Variants in GABRB1 observed in about 807,000 individuals in gnomAD.
The protein encoded by GABRB1 is gamma-aminobutyric acid receptor subunit beta-1.
In GABRB1, 17 loss-of-function variants were observed where a neutral mutation model predicts 51.6. The observed-to-expected ratio is 0.33, with a 90% CI of 0.23 to 0.49. The LOEUF (loss-of-function observed/expected upper bound fraction) is 0.49, where lower values mean the gene tolerates loss of function less well. Ranked by LOEUF, GABRB1 falls within the 20% of genes least tolerant of loss-of-function variation. The pLI is 0.99. For missense variants in GABRB1, 410 were observed against 600.6 expected, an observed-to-expected ratio of 0.68 and a Z score of 3.32; for synonymous variants, 247 against 218.9, an observed-to-expected ratio of 1.13 and a Z score of -1.14.
At position 47,417,876 on chromosome 4, in the gene GABRB1, C is replaced by T. The variant is rs543407977; in HGVS notation, c.1081-7798C>T. ...AAGATTATATTTTATTCCAATTACA[C>T]TAAAATGAGTTCAGCTATACTTATA... On this transcript the variant is annotated intron_variant, in intron 8 of 8. Transcript: ENST00000295454. 1.2e-4 allele frequency among the ~76,000 whole-genome samples: 18 copies of T among 152,302 alleles called. No individual in the cohort carries two copies. The South Asian group carries it at 3.3e-3, about 28-fold the overall frequency.
At chr4:47,199,984 C>A (rs541324317) in intron 4 of GABRB1, among the ~76,000 whole-genome samples, 1 of 152,138 alleles carries the variant, frequency 6.6e-6, no homozygotes, top group Non-Finnish European at 1.5e-5. Flanking sequence ...ATGGGATAGG[C>A]AGATATATTG....
intron 3 of GABRB1, among the ~76,000 whole-genome samples, chr4:47,045,457 CAT>C: frequency 6.7e-6 from 1 of 149,546 alleles, no homozygotes; most frequent in East Asian, 1.9e-4. Flanking sequence ...TCATCATCAT[CAT>C]CATCATCATC....
At chr4:47,065,681 A>G (rs1279382008) in intron 3 of GABRB1, among the ~76,000 whole-genome samples, 1 of 152,190 alleles carries the variant, frequency 6.6e-6, no homozygotes, top group East Asian at 1.9e-4. Context: ...TTAGCCAAAC[A>G]CTGTAAATAA....
intron 3 of GABRB1, among the ~76,000 whole-genome samples, chr4:47,072,657 A>T (rs1452334279): frequency 6.6e-6 from 1 of 152,192 alleles, no homozygotes. Flanking sequence ...TGTGAATTTT[A>T]ATCTACATAT....
intron 5 of GABRB1, among the ~76,000 whole-genome samples, chr4:47,377,506 G>C (rs1482767188): frequency 8.6e-5 from 13 of 151,928 alleles, no homozygotes; most frequent in Admixed American, 8.5e-4. Context: ...ATCCAATGTG[G>C]ACCCAAAGAA....
chr4:46,997,147 C>G (rs988855797), intron 1 of GABRB1, among the ~76,000 whole-genome samples: 31 of 152,046 alleles, frequency 2.0e-4, no homozygotes, highest in Non-Finnish European at 4.1e-4. Flanking sequence ...TGTATACCAG[C>G]CTACTATCAT....
chr4:47,333,560 C>T (rs889322719), intron 5 of GABRB1, among the ~76,000 whole-genome samples: 1 of 151,882 alleles, frequency 6.6e-6, no homozygotes, highest in Non-Finnish European at 1.5e-5. Flanking sequence ...ACTAAAAATA[C>T]AAAAATTAGC....
At chr4:47,312,487 TTGTGTAATGTAAC>T (rs1724728751) in intron 4 of GABRB1, among the ~76,000 whole-genome samples, 1 of 152,212 alleles carries the variant, frequency 6.6e-6, no homozygotes, top group South Asian at 2.1e-4. Flanking sequence ...ATCAGTTTCT[TTGTGTAATGTAAC>T]TAACATGAAT....
Position 47,078,101 on chromosome 4 carries a change from T to C in GABRB1, c.240+45617T>C, listed in dbSNP as rs909396194. On this transcript the variant is annotated intron_variant, in intron 3 of 8. Coordinates refer to ENST00000295454, the MANE Select transcript of GABRB1 (RefSeq NM_000812.4). ...ACCTTCCGGGTTCAAGCAATTCTCC[T>C]GCCTCAGCCTCCTGAGAAGTTGGGA... Among the ~76,000 whole-genome samples, 19 of 149,952 alleles carry C rather than the reference T, an allele frequency of 1.3e-4. 1 individual carries two copies. The East Asian group carries it at 3.5e-3, about 28-fold the overall frequency.
chr4:47,424,911 C>A (rs1011395498), intron 8 of GABRB1, among the ~76,000 whole-genome samples: 4 of 152,160 alleles, frequency 2.6e-5, no homozygotes, highest in Admixed American at 2.0e-4. Flanking sequence ...CAGTGAACAA[C>A]AGTAGAGGAA....
chr4:47,006,179 T>C (rs1724392231), intron 1 of GABRB1, among the ~76,000 whole-genome samples: 1 of 152,136 alleles, frequency 6.6e-6, no homozygotes, highest in Non-Finnish European at 1.5e-5. Context: ...CCTGATATAT[T>C]GAATTATGAC....
chr4:47,074,062 A>G (rs1370979615), intron 3 of GABRB1, among the ~76,000 whole-genome samples: 2 of 152,222 alleles, frequency 1.3e-5, no homozygotes, highest in Non-Finnish European at 2.9e-5. Flanking sequence ...TGTAAGATAA[A>G]TACAATTTTT....
chr4:47,252,299 G>C (rs1268809362), intron 4 of GABRB1, among the ~76,000 whole-genome samples: 1 of 151,938 alleles, frequency 6.6e-6, no homozygotes, highest in Admixed American at 6.6e-5. Flanking sequence ...TCTCCAGTGG[G>C]GGGTGTTTGT....
At chr4:47,307,297 A>C (rs1034489711) in intron 4 of GABRB1, among the ~76,000 whole-genome samples, 1 of 152,162 alleles carries the variant, frequency 6.6e-6, no homozygotes, top group Non-Finnish European at 1.5e-5. Flanking sequence ...AATAGAAAAT[A>C]AAACTAATTT....
At chr4:47,006,711 A>C (rs541241581) in intron 1 of GABRB1, among the ~76,000 whole-genome samples, 1 of 152,240 alleles carries the variant, frequency 6.6e-6, no homozygotes, top group Non-Finnish European at 1.5e-5. Context: ...AAGTTTTGCT[A>C]TATGTGAACT....
chr4:47,006,398 TG>T (rs1355749741), intron 1 of GABRB1, among the ~76,000 whole-genome samples: 17 of 152,288 alleles, frequency 1.1e-4, no homozygotes, highest in African/African-American at 3.8e-4. Context: ...AAATTAAAAA[TG>T]TTTTCAAAAC....
intron 8 of GABRB1, among the ~76,000 whole-genome samples, chr4:47,415,820 T>G (rs1261073607): frequency 2.6e-5 from 4 of 152,176 alleles, no homozygotes; most frequent in Admixed American, 2.6e-4. Flanking sequence ...TCCCAATTCA[T>G]TCAGATACAC....
At chr4:47,060,446 C>T (rs1726798052) in intron 3 of GABRB1, among the ~76,000 whole-genome samples, 6 of 152,032 alleles carry the variant, frequency 3.9e-5, no homozygotes, top group Admixed American at 3.9e-4. Context: ...ACCCTGTAAA[C>T]ATTTCTGTAC....
intron 4 of GABRB1, among the ~76,000 whole-genome samples, chr4:47,282,264 C>A (rs1723318335): frequency 6.6e-6 from 1 of 152,118 alleles, no homozygotes; most frequent in Non-Finnish European, 1.5e-5. Context: ...CCTTGCACAA[C>A]ACATTTATAA....
Sources: gnomAD v4.1 joint callset for allele counts (sites outside exome capture counted in the v4.1 genomes callset) on GRCh38, gnomAD v4.1.1 for gene constraint, MANE v1.5 for transcripts, NCBI Gene and HGNC (gene_info 2026-07-23, HGNC 2026-07-21) for gene names.